The following PIMREG variants were observed in gnomAD, a reference collection of about 807,000 sequenced individuals.
The protein encoded by PIMREG is protein PIMREG.
PIMREG carries 19 observed loss-of-function variants against 24.3 expected under a neutral mutation model. That is an observed-to-expected ratio of 0.78 (90% CI 0.54 to 1.15). The LOEUF is 1.15. PIMREG is among the 50% of genes most tolerant of loss of function. The pLI, the probability that PIMREG is intolerant of heterozygous loss-of-function variation, is 0.00. For missense variants in PIMREG, 283 were observed against 306.8 expected (o/e 0.92, Z 0.58); for synonymous variants, 112 against 124.1 (o/e 0.90, Z 0.65).
At position 6,449,430 on chromosome 17, in the gene PIMREG, A is replaced by C. The variant is rs1474377904; in HGVS notation, c.686+23A>C. The C allele has an allele frequency of 1.9e-6, 3 of 1,604,986 alleles. No homozygotes were observed. In the African/African-American group the frequency reaches 4.0e-5, roughly 22 times the overall value. On this transcript the variant is annotated intron_variant, in intron 4 of 5. Coordinates refer to ENST00000572447, the MANE Select transcript of PIMREG (RefSeq NM_019013.3). Reference sequence around the variant, plus strand: ...GAGGTGAGTTGGCATCCCATGCTTCAAAGTGAAGGGGCCGGGAGGGCCCCT... The same window carrying C: ...GAGGTGAGTTGGCATCCCATGCTTCCAAGTGAAGGGGCCGGGAGGGCCCCT...
At position 6,450,396 on chromosome 17, in the gene PIMREG, C is replaced by G. The variant is rs1443224324; in HGVS notation, c.*49C>G. The G allele has an allele frequency of 1.3e-6, 2 of 1,570,632 alleles. No homozygotes were observed. Among genetic ancestry groups the G allele is most frequent in the African/African-American group, 1.3e-5 (1 of 74,454 alleles). On this transcript the variant is annotated 3_prime_UTR_variant, in exon 6 of 6. Coordinates refer to ENST00000572447, the MANE Select transcript of PIMREG (RefSeq NM_019013.3). ...CCTGTCTGACCGCCAAGGCTTCATACTCAAGGATGTCTATGCTTCCCCGTG... is the reference window on the plus strand; with the variant it reads ...CCTGTCTGACCGCCAAGGCTTCATAGTCAAGGATGTCTATGCTTCCCCGTG...
In PIMREG at chr17:6,451,369, GT is replaced by G. The variant is rs1913824149; in HGVS notation, c.*1027del. ...AAAAATCTTTTAACTCCATAATGCTGTTTTTGTCTTGTTAGAAATCTGATAT... is the reference window on the plus strand; with the variant it reads ...AAAAATCTTTTAACTCCATAATGCTGTTTTGTCTTGTTAGAAATCTGATAT... On this transcript the variant is annotated 3_prime_UTR_variant, in exon 6 of 6. Coordinates refer to ENST00000572447, the MANE Select transcript of PIMREG (RefSeq NM_019013.3). 6.6e-6 allele frequency: 1 copy of G among 152,236 alleles called. No homozygotes were observed. The highest frequency in any genetic ancestry group is 2.4e-5 in the African/African-American group (1 of 41,464). 9.4% of individuals were successfully genotyped at this position (152,236 alleles called of 1,614,324 possible).
intron 2 of PIMREG, among the ~76,000 whole-genome samples, chr17:6,447,070 G>A (rs905658749): frequency 1.3e-4 from 19 of 151,550 alleles, no homozygotes; most frequent in Non-Finnish European, 2.8e-4. Context: ...TGCTTGTATG[G>A]TCTGGAGACC....
In PIMREG at chr17:6,444,565, AT is replaced by A; in HGVS notation, c.-36+84del. The A allele has an allele frequency of 6.5e-6, 1 of 153,830 alleles. No homozygotes were observed. Among genetic ancestry groups the A allele is most frequent in the Non-Finnish European group, 1.4e-5 (1 of 69,250 alleles). 9.5% of individuals were successfully genotyped at this position (153,830 alleles called of 1,614,324 possible). A position where few individuals can be genotyped will look rare whatever the true frequency, so the allele number is the denominator to read the frequency against. ...AATGGCGCGATCTGGACTCAAAACA[AT>A]TTTTTTGTTCGGAGGGGAGGGCATC... On this transcript the variant is annotated intron_variant, in intron 1 of 5. Transcript: ENST00000572447. This position sits in a 1 kb window ranked among gnomAD's most constrained non-coding sequence, Gnocchi z 4.3.
rs757428013 is a variant in PIMREG at position 6,450,381 on chromosome 17, C to G, written c.*34C>G. On this transcript the variant is annotated 3_prime_UTR_variant, in exon 6 of 6. Coordinates refer to ENST00000572447, the MANE Select transcript of PIMREG (RefSeq NM_019013.3). ...TTGAAGGAAACAAGCCCTGTCTGACCGCCAAGGCTTCATACTCAAGGATGT... is the reference window on the plus strand; with the variant it reads ...TTGAAGGAAACAAGCCCTGTCTGACGGCCAAGGCTTCATACTCAAGGATGT... 1 of 1,566,766 alleles carries G rather than the reference C, an allele frequency of 6.4e-7. No homozygotes were observed. Among genetic ancestry groups the G allele is most frequent in the South Asian group, 1.2e-5 (1 of 86,358 alleles).
chr17:6,449,697 C>T lies in PIMREG; in HGVS notation c.686+290C>T, dbSNP rs925078405. ...GCTGGTTCCTGAAAAACCTGCCCTT[C>T]CTCCAGAACTCTCCGTGGCTCGTCT... On this transcript the variant is annotated intron_variant, in intron 4 of 5. Coordinates refer to ENST00000572447, the MANE Select transcript of PIMREG (RefSeq NM_019013.3). The T allele has an allele frequency of 2.4e-5, 33 of 1,383,534 alleles. No homozygotes were observed. The African/African-American group carries it at 2.5e-4, about 10-fold the overall frequency. 85.7% of individuals were successfully genotyped at this position (1,383,534 alleles called of 1,614,324 possible).
At position 6,445,295 on chromosome 17, in the gene PIMREG, A is replaced by G; in HGVS notation, c.185A>G (p.Asn62Ser). Residue 62 changes from asparagine to serine, a missense_variant, in exon 2 of 6, where the codon AAC (asparagine) becomes AGC (serine). Transcript: ENST00000572447. ...RRLPLRAVNL[N>S]LRAGPSWKRL... is the part of the protein sequence containing the mutation. ...CTGCCCCTGAGAGCCGTCAACCTCA[A>G]CCTCCGCGCAGGGCCCTCCTGGAAA... 1 of 1,612,866 alleles carries G rather than the reference A, an allele frequency of 6.2e-7. No individual in the cohort carries two copies. The highest frequency in any genetic ancestry group is 8.5e-7 in the Non-Finnish European group (1 of 1,179,714).
chr17:6,449,176 T>G, intron 3 of PIMREG, 136 bp from the exon 4 acceptor site: 1 of 611,714 alleles, frequency 1.6e-6, no homozygotes, highest in South Asian at 2.1e-5. Flanking sequence ...GGTCACCTCC[T>G]GGAGTGAGGG....
chr17:6,445,909 T>C (rs775547662), intron 2 of PIMREG, among the ~76,000 whole-genome samples: 3 of 151,990 alleles, frequency 2.0e-5, no homozygotes, highest in Non-Finnish European at 4.4e-5. Context: ...GAGAGCAAGG[T>C]AGAGCAGGGG....
intron 2 of PIMREG, chr17:6,445,950 C>T (rs1179152096): frequency 2.5e-6 from 1 of 397,282 alleles, no homozygotes; most frequent in African/African-American, 2.1e-5. Flanking sequence ...AGAACTCTCC[C>T]AGGAATGATC....
Position 6,450,091 on chromosome 17 carries a change from G to C in PIMREG, c.*14+19G>C. ...CCTGCAGGTAATGCCCACCTCCCAA[G>C]AGTCTTTCTCACTGTCCTTCTCCTC... is the stretch of plus-strand genomic sequence containing the variant. On this transcript the variant is annotated intron_variant, in intron 5 of 5. Transcript: ENST00000572447. The C allele has an allele frequency of 6.2e-7, 1 of 1,612,772 alleles. No homozygotes were observed.
At chr17:6,450,162 G>A (rs932282687) in intron 5 of PIMREG, 90 bp downstream of exon 5, 4 of 1,393,690 alleles carry the variant, frequency 2.9e-6, no homozygotes, top group Non-Finnish European at 4.1e-6. Flanking sequence ...CAGAGCTGAT[G>A]GGCACAGCAG....
intron 2 of PIMREG, 103 bp downstream of exon 2, chr17:6,445,507 G>C: frequency 7.7e-7 from 1 of 1,296,506 alleles, no homozygotes; most frequent in Non-Finnish European, 1.1e-6. Flanking sequence ...CATGAAAACA[G>C]GGACGTTGGT....
At chr17:6,446,106 CAG>C (rs1444097020) in intron 2 of PIMREG, 1 of 400,366 alleles carries the variant, frequency 2.5e-6, no homozygotes, top group African/African-American at 2.1e-5. Context: ...GGATAAACTT[CAG>C]GAGCTGCCGA....
chr17:6,445,036 G>A (rs890159850), intron 1 of PIMREG, 40 bp from the exon 2 acceptor site: 31 of 1,434,056 alleles, frequency 2.2e-5, no homozygotes, highest in Non-Finnish European at 2.8e-5. Flanking sequence ...AATGGGTATG[G>A]GGAATGCCTT....
rs1272364280 is a variant in PIMREG at position 6,449,358 on chromosome 17, C to T, written c.637C>T (p.Leu213Phe). 6.2e-7 allele frequency: 1 copy of T among 1,613,738 alleles called. No individual in the cohort carries two copies. Among genetic ancestry groups the T allele is most frequent in the East Asian group, 2.2e-5 (1 of 44,834 alleles). The change falls in exon 4 of 6, where the codon CTC becomes TTC. Residue 213 changes from leucine (L) to phenylalanine (F), a missense_variant. By Grantham distance (22) the Leu-to-Phe change is conservative (BLOSUM62 0). Coordinates refer to ENST00000572447, the MANE Select transcript of PIMREG (RefSeq NM_019013.3). ...LEPVGAGIQHLQKLSQELDEA... is the reference protein window; with the variant it reads ...LEPVGAGIQHFQKLSQELDEA... ...GCCTGTGGGGGCGGGAATTCAGCATCTCCAGAAGCTGTCCCAAGAGCTAGA... is the reference window on the plus strand; with the variant it reads ...GCCTGTGGGGGCGGGAATTCAGCATTTCCAGAAGCTGTCCCAAGAGCTAGA...
intron 2 of PIMREG, 24 bp downstream of exon 2, chr17:6,445,428 C>A: frequency 6.3e-7 from 1 of 1,580,754 alleles, no homozygotes; most frequent in South Asian, 1.1e-5. Context: ...CACTAATCAT[C>A]TTTTTTATGG....
intron 2 of PIMREG, 171 bp from the exon 3 acceptor site, chr17:6,447,292 T>G: frequency 1.4e-6 from 1 of 708,374 alleles, no homozygotes. Context: ...TTTTTTGCAT[T>G]TTTAGTAGAA....
chr17:6,449,214 T>G, intron 3 of PIMREG, 98 bp from the exon 4 acceptor site: 1 of 960,172 alleles, frequency 1.0e-6, no homozygotes, highest in South Asian at 1.7e-5. Flanking sequence ...CCCGCCAGGG[T>G]CATCTGGGCC....
Sources: allele counts gnomAD v4.1 joint callset (sites outside exome capture counted in the v4.1 genomes callset), GRCh38; gene constraint gnomAD v4.1.1; non-coding constraint Gnocchi (gnomAD v3.1); transcripts MANE v1.5; gene names NCBI Gene and HGNC (gene_info 2026-07-23, HGNC 2026-07-21).